CEPT1: variants seen among roughly 807,000 people sequenced by gnomAD.
CEPT1 encodes the protein choline/ethanolamine phosphotransferase 1.
CEPT1 carries 7 observed loss-of-function variants against 42.6 expected under a neutral mutation model. The observed-to-expected ratio is 0.16, with a 90% CI of 0.09 to 0.31. CEPT1 has a LOEUF of 0.31. Among genes scored for constraint, CEPT1 ranks in the 10% least tolerant of loss-of-function variants. The pLI is 1.00. For missense variants in CEPT1, 306 were observed against 502.1 expected, an observed-to-expected ratio of 0.61 and a Z score of 3.73; for synonymous variants, 171 against 171.9, an observed-to-expected ratio of 0.99 and a Z score of 0.04.
intron 5 of CEPT1, among the ~76,000 whole-genome samples, chr1:111,177,661 AT>A (rs1320413360): frequency 6.6e-6 from 1 of 152,178 alleles, no homozygotes; most frequent in African/African-American, 2.4e-5. Context: ...AGTAGATATA[AT>A]TTTTTCTTTT....
At chr1:111,159,194 C>A (rs1040552470) in intron 2 of CEPT1, among the ~76,000 whole-genome samples, 186 bp from the exon 3 acceptor site, 1 of 152,034 alleles carries the variant, frequency 6.6e-6, no homozygotes, top group South Asian at 2.1e-4. Context: ...GGATTACAGG[C>A]GTGAGCCACC....
chr1:111,139,601 T>C (rs1424231862), upstream of CEPT1: 3 of 152,236 alleles, frequency 2.0e-5, no homozygotes, highest in East Asian at 1.9e-4. Context: ...AGGAATTAAT[T>C]AGACCGCTGA....
At chr1:111,152,293 C>G (rs920268659) in intron 2 of CEPT1, among the ~76,000 whole-genome samples, 1 of 151,154 alleles carries the variant, frequency 6.6e-6, no homozygotes, top group African/African-American at 2.4e-5. Context: ...CATAATTTCA[C>G]TGCCCAGTTA....
intron 2 of CEPT1, among the ~76,000 whole-genome samples, chr1:111,150,165 T>A (rs1304001289): frequency 6.6e-6 from 1 of 152,218 alleles, no homozygotes; most frequent in East Asian, 1.9e-4. Flanking sequence ...CTTATTAGGC[T>A]CAAAGCAGAA....
At chr1:111,167,923 C>G (rs1249281298) in intron 4 of CEPT1, 2 of 474,672 alleles carry the variant, frequency 4.2e-6, no homozygotes, top group Non-Finnish European at 5.5e-6. Flanking sequence ...GATAGAGTCT[C>G]ATTTTGTCAC....
intron 4 of CEPT1, among the ~76,000 whole-genome samples, chr1:111,173,790 A>G (rs1210606170): frequency 6.6e-6 from 1 of 152,114 alleles, no homozygotes; most frequent in African/African-American, 2.4e-5. Context: ...CTCTTTTTTT[A>G]CACAAAAAAT....
At chr1:111,160,387 A>T (rs577187333) in intron 3 of CEPT1, 1 of 152,322 alleles carries the variant, frequency 6.6e-6, no homozygotes, top group South Asian at 2.1e-4. Flanking sequence ...TAAAATATTT[A>T]AAAAGAAACT....
At chr1:111,181,454 T>G (rs1571159582) in intron 5 of CEPT1, 1 of 152,364 alleles carries the variant, frequency 6.6e-6, no homozygotes, top group South Asian at 2.1e-4. Flanking sequence ...CAATCCACTC[T>G]GTCCCCCATA....
At chr1:111,171,049 GA>G (rs1360447912) in intron 4 of CEPT1, among the ~76,000 whole-genome samples, 1 of 152,114 alleles carries the variant, frequency 6.6e-6, no homozygotes. Context: ...TTTTAGAGGG[GA>G]AAGACATTAA....
chr1:111,142,680 A>G (rs1451117380), intron 1 of CEPT1, among the ~76,000 whole-genome samples: 2 of 152,218 alleles, frequency 1.3e-5, no homozygotes, highest in African/African-American at 4.8e-5. Flanking sequence ...TAAAATAAGT[A>G]TTGATTATCT....
chr1:111,174,627 G>C (rs1656585907), intron 4 of CEPT1, among the ~76,000 whole-genome samples: 1 of 150,394 alleles, frequency 6.6e-6, no homozygotes, highest in Non-Finnish European at 1.5e-5. Context: ...CAACTTCAAT[G>C]AGTCAGAAAT....
intron 4 of CEPT1, among the ~76,000 whole-genome samples, chr1:111,164,052 G>T (rs1468757883): frequency 6.6e-6 from 1 of 151,962 alleles, no homozygotes; most frequent in Non-Finnish European, 1.5e-5. Flanking sequence ...TCATAAAATA[G>T]AATGTTTGCC....
chr1:111,145,962 G>A lies in CEPT1; in HGVS notation c.-73-1680G>A, dbSNP rs575541600. On this transcript the variant is annotated intron_variant, in intron 1 of 8. Coordinates refer to ENST00000357172, the MANE Select transcript of CEPT1 (RefSeq NM_006090.5). ...ATGTTTTGATAGTAGATCTATTGTC[G>A]AGATGTCCTAGACCTATACCATTTC... Among the ~76,000 whole-genome samples, 3 of 152,276 alleles carry A rather than the reference G, an allele frequency of 2.0e-5. No individual in the cohort carries two copies. In the East Asian group the frequency reaches 5.8e-4, roughly 29 times the overall value.
intron 1 of CEPT1, among the ~76,000 whole-genome samples, chr1:111,144,066 A>G (rs1278471488): frequency 1.3e-5 from 2 of 152,148 alleles, no homozygotes; most frequent in Non-Finnish European, 2.9e-5. Flanking sequence ...TCCTTTCTGT[A>G]TTCCCACCCC....
chr1:111,159,508 C>T lies in CEPT1; in HGVS notation c.468C>T (p.Gly156=), dbSNP rs757893134. ...SSPLGELFDH[G]CDSLSTVFVV... Reference sequence around the variant, plus strand: ...CTCTGGGAGAACTTTTTGATCATGGCTGTGATTCACTATCAACAGGTATTG... The same window carrying T: ...CTCTGGGAGAACTTTTTGATCATGGTTGTGATTCACTATCAACAGGTATTG... Residue 156 remains glycine (G), a synonymous_variant, in exon 3 of 9, where the codon GGC becomes GGT. Coordinates refer to ENST00000357172, the MANE Select transcript of CEPT1 (RefSeq NM_006090.5). The T allele has an allele frequency of 1.2e-6, 2 of 1,608,254 alleles. No individual in the cohort carries two copies. The highest frequency in any genetic ancestry group is 1.7e-5 in the Admixed American group (1 of 58,202).
intron 4 of CEPT1, among the ~76,000 whole-genome samples, chr1:111,165,104 C>G (rs1158189747): frequency 8.3e-6 from 1 of 120,382 alleles, no homozygotes; most frequent in Non-Finnish European, 1.6e-5. Context: ...GGCTAGAGTG[C>G]AGTGGTGCGA....
At chr1:111,175,465 CT>C (rs1180613159) in intron 5 of CEPT1, among the ~76,000 whole-genome samples, 4 of 152,056 alleles carry the variant, frequency 2.6e-5, no homozygotes, top group African/African-American at 4.8e-5. Context: ...AATATAGTCA[CT>C]CTTACAAACA....
At chr1:111,145,665 C>T (rs1219620683) in intron 1 of CEPT1, among the ~76,000 whole-genome samples, 1 of 152,186 alleles carries the variant, frequency 6.6e-6, no homozygotes, top group African/African-American at 2.4e-5. Context: ...TGACCCTGTG[C>T]TCCACTTCCC....
At chr1:111,159,185 G>T (rs796964634) in intron 2 of CEPT1, among the ~76,000 whole-genome samples, 195 bp from the exon 3 acceptor site, 1 of 149,948 alleles carries the variant, frequency 6.7e-6, no homozygotes, top group Non-Finnish European at 1.5e-5. Context: ...AAAGTGCTGG[G>T]ATTACAGGCG....
Sources: allele counts gnomAD v4.1 joint callset (sites outside exome capture counted in the v4.1 genomes callset), GRCh38; gene constraint gnomAD v4.1.1; transcripts MANE v1.5; gene names NCBI Gene and HGNC (gene_info 2026-07-23, HGNC 2026-07-21).